Variants in PIP5K1B observed in about 807,000 individuals in gnomAD.
PIP5K1B encodes phosphatidylinositol-4-phosphate 5-kinase type 1 beta, also known as phosphatidylinositol 4-phosphate 5-kinase type-1 beta.
A neutral mutation model predicts 67.0 loss-of-function variants in PIP5K1B; 42 were observed. The ratio of observed to expected loss-of-function variants is 0.63; its 90% CI spans 0.49 to 0.81. The LOEUF (loss-of-function observed/expected upper bound fraction) is 0.81, where lower values mean the gene tolerates loss of function less well. Ranked by LOEUF, PIP5K1B falls within the 30% of genes least tolerant of loss-of-function variation. The pLI is 0.00. For synonymous variants in PIP5K1B, 214 were observed against 231.4 expected (o/e 0.92, Z 0.68); for missense variants, 459 against 646.3 (o/e 0.71, Z 3.14).
At chr9:68,924,110 T>TAAAA (rs71500336) in intron 12 of PIP5K1B, among the ~76,000 whole-genome samples, 21 of 125,846 alleles carry the variant, frequency 1.7e-4, no homozygotes, top group Non-Finnish European at 2.9e-4. Context: ...CTCTTACCTT[T>TAAAA]AAAAAAAAAA....
chr9:68,970,742 C>T lies in PIP5K1B; in HGVS notation c.1503-20398C>T, dbSNP rs372214269. ...ATATAAACATATGGATTTGAGCACC[C>T]CCTGCGATTTTTCTGGGGTCCCACC... On this transcript the variant is annotated intron_variant, in intron 14 of 15. Coordinates refer to ENST00000265382, the MANE Select transcript of PIP5K1B (RefSeq NM_003558.4). Among the ~76,000 whole-genome samples the T allele has an allele frequency of 1.5e-4, 23 of 152,302 alleles. 1 individual carries two copies. In the South Asian group the frequency reaches 4.8e-3, roughly 32 times the overall value.
In PIP5K1B at chr9:68,826,777, A is replaced by T. The variant is rs556067466; in HGVS notation, c.69+4094A>T. Among the ~76,000 whole-genome samples the T allele has an allele frequency of 1.2e-4, 18 of 152,218 alleles. No homozygotes were observed. The East Asian group carries it at 3.1e-3, about 26-fold the overall frequency. ...TTTTATTTTTATTTTTTTGAGATGG[A>T]GTCTCACTCTATCGCCCAGGCTGGA... On this transcript the variant is annotated intron_variant, in intron 4 of 15. Coordinates refer to ENST00000265382, the MANE Select transcript of PIP5K1B (RefSeq NM_003558.4).
At chr9:68,860,290 A>G (rs530677413) in intron 4 of PIP5K1B, among the ~76,000 whole-genome samples, 2 of 152,234 alleles carry the variant, frequency 1.3e-5, no homozygotes, top group Admixed American at 1.3e-4. Flanking sequence ...TGATACCCAA[A>G]TATATCACTA....
intron 3 of PIP5K1B, 111 bp downstream of exon 3, chr9:68,818,656 AT>A (rs1189056806): frequency 6.6e-6 from 1 of 152,308 alleles, no homozygotes; most frequent in African/African-American, 2.4e-5. Context: ...TATCTAGCTC[AT>A]AACCTTTAAC....
At chr9:68,943,906 C>T (rs576169409) in intron 14 of PIP5K1B, among the ~76,000 whole-genome samples, 2 of 152,308 alleles carry the variant, frequency 1.3e-5, no homozygotes, top group African/African-American at 2.4e-5. Context: ...TGCCTCCACA[C>T]CTAAATTATA....
At chr9:68,719,999 C>T (rs1051333969) in intron 1 of PIP5K1B, among the ~76,000 whole-genome samples, 1 of 152,166 alleles carries the variant, frequency 6.6e-6, no homozygotes. Context: ...TTTGTTTCTT[C>T]ATTTGTCCGC....
chr9:68,769,614 A>G (rs1292151364), intron 2 of PIP5K1B, among the ~76,000 whole-genome samples: 1 of 152,232 alleles, frequency 6.6e-6, no homozygotes, highest in African/African-American at 2.4e-5. Flanking sequence ...ACTTTAAATA[A>G]ATAAATATTT....
intron 14 of PIP5K1B, among the ~76,000 whole-genome samples, chr9:68,986,734 A>G (rs1352573576): frequency 6.6e-6 from 1 of 152,146 alleles, no homozygotes; most frequent in Non-Finnish European, 1.5e-5. Context: ...TCAAGTCTCA[A>G]ATAATATTCT....
intron 8 of PIP5K1B, among the ~76,000 whole-genome samples, chr9:68,911,084 G>A (rs772111489): frequency 7.9e-5 from 12 of 152,140 alleles, no homozygotes; most frequent in Non-Finnish European, 1.5e-4. Flanking sequence ...GGAAAGAATG[G>A]GAAACTGGGC....
chr9:68,824,869 T>C (rs546215580), intron 4 of PIP5K1B, among the ~76,000 whole-genome samples: 17 of 152,314 alleles, frequency 1.1e-4, no homozygotes, highest in Non-Finnish European at 2.2e-4. Context: ...AGATAAACCA[T>C]TTCCCAGATG....
intron 8 of PIP5K1B, among the ~76,000 whole-genome samples, chr9:68,898,453 G>A (rs1266063697): frequency 6.6e-6 from 1 of 152,142 alleles, no homozygotes; most frequent in Non-Finnish European, 1.5e-5. Context: ...AGGAAAGAGT[G>A]GTGACATTGA....
At chr9:68,914,557 T>TACA (rs1005104941) in intron 8 of PIP5K1B, among the ~76,000 whole-genome samples, 2 of 151,838 alleles carry the variant, frequency 1.3e-5, no homozygotes, top group African/African-American at 4.8e-5. Context: ...CTACTAAAAA[T>TACA]ACAAAAAATT....
At chr9:68,919,805 T>C in intron 11 of PIP5K1B, 76 bp downstream of exon 11, 1 of 813,956 alleles carries the variant, frequency 1.2e-6, no homozygotes. Context: ...TGCAGGAAAC[T>C]GTGTTGCTAG....
chr9:68,752,058 A>G (rs1236521954), intron 2 of PIP5K1B, among the ~76,000 whole-genome samples: 2 of 152,162 alleles, frequency 1.3e-5, no homozygotes, highest in African/African-American at 4.8e-5. Context: ...TAAAGGTTTT[A>G]TATTTCAGTA....
intron 14 of PIP5K1B, among the ~76,000 whole-genome samples, chr9:68,952,821 GCCTGCCTT>G (rs1258186719): frequency 4.0e-5 from 6 of 151,372 alleles, no homozygotes; most frequent in African/African-American, 1.5e-4. Flanking sequence ...CTGCCTGCCT[GCCTGCCTT>G]CCTTCCTTCC....
At chr9:68,975,691 C>G (rs1041305932) in intron 14 of PIP5K1B, among the ~76,000 whole-genome samples, 2 of 152,142 alleles carry the variant, frequency 1.3e-5, no homozygotes, top group African/African-American at 4.8e-5. Flanking sequence ...GTTTGAAATC[C>G]AGGTATCAGC....
At chr9:68,897,307 T>C (rs1407808112) in intron 8 of PIP5K1B, among the ~76,000 whole-genome samples, 2 of 152,212 alleles carry the variant, frequency 1.3e-5, no homozygotes, top group Non-Finnish European at 2.9e-5. Flanking sequence ...TCTATTCACT[T>C]ATCAGCACAT....
intron 8 of PIP5K1B, among the ~76,000 whole-genome samples, chr9:68,898,713 T>A (rs548376241): frequency 2.6e-5 from 4 of 152,106 alleles, no homozygotes; most frequent in African/African-American, 7.2e-5. Flanking sequence ...TCCTCCCTCC[T>A]CTCCCTCTTT....
chr9:68,900,585 C>A (rs1249410182), intron 8 of PIP5K1B, among the ~76,000 whole-genome samples: 1 of 152,016 alleles, frequency 6.6e-6, no homozygotes, highest in Non-Finnish European at 1.5e-5. Context: ...GACTTTGAGA[C>A]AAAGTATATT....
Sources: gnomAD v4.1 joint callset for allele counts (sites outside exome capture counted in the v4.1 genomes callset) on GRCh38, gnomAD v4.1.1 for gene constraint, MANE v1.5 for transcripts, NCBI Gene and HGNC (gene_info 2026-07-23, HGNC 2026-07-21) for gene names.